Variants in ADGRL3 observed in about 807,000 individuals in gnomAD.
The protein encoded by ADGRL3 is adhesion G protein-coupled receptor L3, also known as calcium-independent alpha-latrotoxin receptor 3.
Under a neutral mutation model 153.5 loss-of-function variants are expected in ADGRL3, and 62 were observed. That is an observed-to-expected ratio of 0.40 (90% CI 0.33 to 0.50). The LOEUF is 0.50. Ranked by LOEUF, ADGRL3 falls within the 20% of genes least tolerant of loss-of-function variation. ADGRL3 has a pLI of 0.47. For synonymous variants in ADGRL3, 710 were observed against 672.5 expected, an observed-to-expected ratio of 1.06 and a Z score of -0.86; for missense variants, 1,641 against 1,859.4, an observed-to-expected ratio of 0.88 and a Z score of 2.16.
chr4:61,679,190 T>C (rs577749269), intron 6 of ADGRL3, among the ~76,000 whole-genome samples: 2 of 152,130 alleles, frequency 1.3e-5, no homozygotes, highest in South Asian at 4.1e-4. Flanking sequence ...GTACCTCATA[T>C]GGCAATAAAG....
At chr4:61,615,951 G>C (rs1412307355) in intron 5 of ADGRL3, among the ~76,000 whole-genome samples, 1 of 152,030 alleles carries the variant, frequency 6.6e-6, no homozygotes, top group Non-Finnish European at 1.5e-5. Context: ...ATAATGAGTA[G>C]GGAAGTTTGC....
At chr4:61,924,435 G>A (rs1371952902) in intron 13 of ADGRL3, among the ~76,000 whole-genome samples, 1 of 151,974 alleles carries the variant, frequency 6.6e-6, no homozygotes, top group Non-Finnish European at 1.5e-5. Flanking sequence ...TATTATCAAT[G>A]GCACAAACCA....
intron 9 of ADGRL3, among the ~76,000 whole-genome samples, chr4:61,878,217 T>C (rs147863129): frequency 2.0e-5 from 3 of 152,302 alleles, no homozygotes; most frequent in Non-Finnish European, 4.4e-5. Flanking sequence ...GGACCAACCA[T>C]GTGACCTCAT....
chr4:61,970,869 A>T (rs530424609), intron 17 of ADGRL3, among the ~76,000 whole-genome samples: 49 of 152,036 alleles, frequency 3.2e-4, no homozygotes, highest in Admixed American at 1.6e-3. Flanking sequence ...TTGTGAGGTG[A>T]CCTCTGTGTC....
intron 8 of ADGRL3, among the ~76,000 whole-genome samples, chr4:61,737,401 A>G (rs1358042787): frequency 6.6e-6 from 1 of 152,190 alleles, no homozygotes; most frequent in Non-Finnish European, 1.5e-5. Flanking sequence ...TCTTGGGTAT[A>G]TAAAGATCCT....
chr4:61,648,204 C>T (rs1403475072), intron 5 of ADGRL3, among the ~76,000 whole-genome samples: 1 of 151,992 alleles, frequency 6.6e-6, no homozygotes, highest in African/African-American at 2.4e-5. Context: ...CTGGAATAAG[C>T]TGTATGCTAT....
intron 2 of ADGRL3, among the ~76,000 whole-genome samples, chr4:61,474,980 G>C (rs1378775929): frequency 1.3e-5 from 2 of 152,054 alleles, no homozygotes; most frequent in African/African-American, 4.8e-5. Flanking sequence ...AATTTAAAAT[G>C]ATTAATCTCT....
At chr4:61,950,321 G>C (rs1341723948) in intron 17 of ADGRL3, among the ~76,000 whole-genome samples, 1 of 152,088 alleles carries the variant, frequency 6.6e-6, no homozygotes, top group Non-Finnish European at 1.5e-5. Context: ...ACAGTGTACT[G>C]TGGGAAAATT....
Position 61,967,461 on chromosome 4 carries a change from T to A in ADGRL3, c.2806-12102T>A, listed in dbSNP as rs1051340672. On this transcript the variant is annotated intron_variant, in intron 17 of 26. Coordinates refer to ENST00000683033, the MANE Select transcript of ADGRL3 (RefSeq NM_001387552.1). ...TTAAGTCCATATTACATTAATTACT[T>A]GTGTCAGTCCAATGTGATAACATAA... is the stretch of plus-strand genomic sequence containing the variant. Among the ~76,000 whole-genome samples the A allele has an allele frequency of 3.3e-5, 5 of 152,208 alleles. No homozygotes were observed. In the East Asian group the frequency reaches 9.6e-4, roughly 29 times the overall value.
At chr4:61,833,958 CTTT>C (rs113049750) in intron 9 of ADGRL3, among the ~76,000 whole-genome samples, 2 of 123,428 alleles carry the variant, frequency 1.6e-5, no homozygotes, top group South Asian at 2.8e-4. Flanking sequence ...AAGGCAGCTT[CTTT>C]TTTTTTTTTT....
At chr4:61,369,282 G>T (rs369138102) in intron 1 of ADGRL3, among the ~76,000 whole-genome samples, 2 of 152,198 alleles carry the variant, frequency 1.3e-5, no homozygotes, top group Admixed American at 6.5e-5. Context: ...TAGGAGTGGT[G>T]AGAGAGGGCA....
intron 1 of ADGRL3, among the ~76,000 whole-genome samples, chr4:61,240,833 A>G (rs1754636253): frequency 6.6e-6 from 1 of 152,080 alleles, no homozygotes; most frequent in Non-Finnish European, 1.5e-5. Context: ...CTTGTTGATT[A>G]CAATCTTATG....
intron 15 of ADGRL3, among the ~76,000 whole-genome samples, chr4:61,936,826 C>T (rs1263622826): frequency 1.2e-5 from 1 of 81,614 alleles, no homozygotes; most frequent in Non-Finnish European, 3.0e-5. Flanking sequence ...AGATATATTT[C>T]TCTTTTGCCA....
intron 8 of ADGRL3, among the ~76,000 whole-genome samples, chr4:61,782,412 G>C (rs967007646): frequency 1.3e-5 from 2 of 152,266 alleles, no homozygotes; most frequent in East Asian, 1.9e-4. Flanking sequence ...TGGTAATGAA[G>C]AAGTTAATTA....
chr4:61,307,986 C>A (rs921965864), intron 1 of ADGRL3, among the ~76,000 whole-genome samples: 3 of 152,172 alleles, frequency 2.0e-5, no homozygotes, highest in Non-Finnish European at 4.4e-5. Flanking sequence ...TTTCCAACTA[C>A]ATCCCCCTAA....
At chr4:61,341,797 A>C (rs560237991) in intron 1 of ADGRL3, among the ~76,000 whole-genome samples, 12 of 152,060 alleles carry the variant, frequency 7.9e-5, no homozygotes, top group Non-Finnish European at 1.3e-4. Context: ...TCATACTTTA[A>C]ACATAGCTGC....
intron 1 of ADGRL3, among the ~76,000 whole-genome samples, chr4:61,315,767 G>A (rs1010786792): frequency 6.6e-6 from 1 of 152,128 alleles, no homozygotes; most frequent in African/African-American, 2.4e-5. Context: ...TTTCAGACCT[G>A]CTGTTTTGGT....
At chr4:61,243,350 A>G (rs1051575563) in intron 1 of ADGRL3, among the ~76,000 whole-genome samples, 2 of 152,154 alleles carry the variant, frequency 1.3e-5, no homozygotes, top group African/African-American at 4.8e-5. Flanking sequence ...AGAGAAGAGA[A>G]CCAGGTCCTG....
intron 21 of ADGRL3, among the ~76,000 whole-genome samples, chr4:62,021,267 A>G (rs1397727514): frequency 6.6e-6 from 1 of 152,170 alleles, no homozygotes; most frequent in African/African-American, 2.4e-5. Context: ...TTTACTTGAT[A>G]CACACAATGG....
Sources: gnomAD v4.1 joint callset for allele counts (sites outside exome capture counted in the v4.1 genomes callset) on GRCh38, gnomAD v4.1.1 for gene constraint, MANE v1.5 for transcripts, NCBI Gene and HGNC (gene_info 2026-07-23, HGNC 2026-07-21) for gene names.